The following COL4A2 variants were observed in gnomAD, a reference collection of about 807,000 sequenced individuals.
The protein encoded by COL4A2 is collagen type IV alpha 2 chain.
COL4A2 carries 99 observed loss-of-function variants against 200.2 expected under a neutral mutation model. The ratio of observed to expected loss-of-function variants is 0.49; its 90% CI spans 0.42 to 0.58. The LOEUF (loss-of-function observed/expected upper bound fraction) is 0.58, where lower values mean the gene tolerates loss of function less well. Among genes scored for constraint, COL4A2 ranks in the 20% least tolerant of loss-of-function variants. The pLI is 0.00. For synonymous variants in COL4A2, 897 were observed against 900.6 expected (o/e 1.00, Z 0.07); for missense variants, 1,950 against 2,314.1 (o/e 0.84, Z 3.23).
chr13:110,438,635 A>G lies in COL4A2; in HGVS notation c.879A>G (p.Gly293=). ...EPGIRGISLK[G]EEGIMGFPGL... is the part of the protein sequence containing the mutation. ...TCTCCTAGGGCATTTCCTTGAAGGG[A>G]GAAGAAGGAATCATGGGCTTTCCTG... The change falls in exon 15 of 48, where the codon GGA becomes GGG. Residue 293 remains glycine, a synonymous_variant. Coordinates refer to ENST00000360467, the MANE Select transcript of COL4A2 (RefSeq NM_001846.4). The G allele has an allele frequency of 6.2e-7, 1 of 1,614,142 alleles. No individual in the cohort carries two copies. Among genetic ancestry groups the G allele is most frequent in the South Asian group, 1.1e-5 (1 of 91,082 alleles).
At chr13:110,495,574 A>G (rs1883429520) in intron 40 of COL4A2, 107 bp downstream of exon 40, 6 of 1,441,924 alleles carry the variant, frequency 4.2e-6, no homozygotes, top group Non-Finnish European at 5.6e-6. Flanking sequence ...GCAGAAGTGC[A>G]GGAAAGAGCT....
chr13:110,488,831 C>A (rs545935078), intron 34 of COL4A2, among the ~76,000 whole-genome samples: 3 of 152,200 alleles, frequency 2.0e-5, no homozygotes, highest in Non-Finnish European at 4.4e-5. Context: ...GAGTCACCGC[C>A]GCCGCTGACA....
rs112957609 is a variant in COL4A2 at position 110,340,693 on chromosome 13, A to G, written c.100-16779A>G. ...CCTGTAGCTCATGAAGACATTACGA[A>G]GCACAAAGAACTGCACAGGGACAGA... On this transcript the variant is annotated intron_variant, in intron 3 of 47. Coordinates refer to ENST00000360467, the MANE Select transcript of COL4A2 (RefSeq NM_001846.4). 2.7e-3 allele frequency among the ~76,000 whole-genome samples: 417 copies of G among 152,296 alleles called. 1 individual carries two copies. The highest frequency in any genetic ancestry group is 9.5e-3 in the African/African-American group (396 of 41,560).
chr13:110,346,211 C>T (rs979833362), intron 3 of COL4A2, among the ~76,000 whole-genome samples: 6 of 152,108 alleles, frequency 3.9e-5, no homozygotes, highest in African/African-American at 7.2e-5. Context: ...GCTTTTGGGG[C>T]GTTGTTTCCT....
At chr13:110,436,873 T>A (rs1471672348) in intron 13 of COL4A2, among the ~76,000 whole-genome samples, 1 of 150,720 alleles carries the variant, frequency 6.6e-6, no homozygotes, top group Non-Finnish European at 1.5e-5. Flanking sequence ...CCGCGTCCAC[T>A]CTCTCTACGT....
At chr13:110,396,896 T>A (rs888741017) in intron 4 of COL4A2, among the ~76,000 whole-genome samples, 7 of 152,236 alleles carry the variant, frequency 4.6e-5, no homozygotes, top group Non-Finnish European at 8.8e-5. Flanking sequence ...TAGAGAGATT[T>A]CAGAGGTCTA....
chr13:110,491,678 AG>A (rs1360693911), intron 37 of COL4A2, among the ~76,000 whole-genome samples: 1 of 152,192 alleles, frequency 6.6e-6, no homozygotes, highest in Non-Finnish European at 1.5e-5. Context: ...CCTAGGTTAG[AG>A]AAGGAGAGCG....
intron 4 of COL4A2, among the ~76,000 whole-genome samples, chr13:110,363,530 C>G (rs872588): frequency 0.047 from 7,171 of 151,948 alleles, 239 homozygotes; most frequent in Non-Finnish European, 0.071. Flanking sequence ...AGGCAGATAA[C>G]GAGAAGGCAA....
Position 110,480,519 on chromosome 13 carries a change from G to C in COL4A2, c.2758+129G>C, listed in dbSNP as rs549141128. ...GGCCTCACACTTCTGCAGATTGGAG[G>C]CCTTGGGACTCTCCTGACCTAGGAG... is the stretch of plus-strand genomic sequence containing the variant. On this transcript the variant is annotated intron_variant, in intron 31 of 47. Coordinates refer to ENST00000360467, the MANE Select transcript of COL4A2 (RefSeq NM_001846.4). 4.1e-6 allele frequency: 4 copies of C among 967,738 alleles called. No individual in the cohort carries two copies. The South Asian group carries it at 5.6e-5, about 14-fold the overall frequency. The allele number at this position is 967,738 out of a possible 1,614,324, so 59.9% of individuals were successfully genotyped here. A position where few individuals can be genotyped will look rare whatever the true frequency, so the allele number is the denominator to read the frequency against.
chr13:110,344,472 T>A (rs994488225), intron 3 of COL4A2, among the ~76,000 whole-genome samples: 16 of 152,188 alleles, frequency 1.1e-4, no homozygotes, highest in African/African-American at 3.6e-4. Context: ...TACTTGCTGA[T>A]AGGTAATTGG....
rs923682280 is a variant in COL4A2, at chr13:110,360,913, G to A, written c.180+3361G>A. Among the ~76,000 whole-genome samples the A allele has an allele frequency of 1.6e-4, 24 of 152,258 alleles. 2 individuals are homozygous for A. The highest frequency in any genetic ancestry group is 3.4e-3 in the Middle Eastern group (1 of 294). On this transcript the variant is annotated intron_variant, in intron 4 of 47. Transcript: ENST00000360467. The stretch of plus-strand genomic sequence containing the variant: ...ATGCTTGACACTGTCATTTCACCTG[G>A]GCCGAGGCCCGTGCTGCCAAGGGAC...
Position 110,473,135 on chromosome 13 carries a change from C to T in COL4A2, c.2410C>T (p.Pro804Ser). The T allele has an allele frequency of 1.9e-6, 3 of 1,557,256 alleles. No individual in the cohort carries two copies. Among genetic ancestry groups the T allele is most frequent in the Non-Finnish European group, 2.6e-6 (3 of 1,150,760 alleles). The change falls in exon 29 of 48, where the codon CCC becomes TCC. Residue 804 changes from proline to serine, a missense_variant. By Grantham distance (74) the Pro-to-Ser change is moderately conservative. Around this residue, in one of 2 missense-constraint regions of COL4A2, gnomAD observed 1,385 missense variants for 1,720.5 expected, o/e 0.80. Transcript: ENST00000360467. ...GLKGLPGDRG[P>S]PGFRGSQGMP... ...TAAAGGCCTTCCCGGAGACAGAGGC[C>T]CCCCTGGATTCAGAGGTGAGTGCCC...
chr13:110,354,607 G>T (rs894994592), intron 3 of COL4A2, among the ~76,000 whole-genome samples: 1 of 150,242 alleles, frequency 6.7e-6, no homozygotes, highest in Non-Finnish European at 1.5e-5. Flanking sequence ...GAAGGGTTTG[G>T]GACTTTCCAC....
intron 47 of COL4A2, among the ~76,000 whole-genome samples, chr13:110,510,172 CTGAGGCTAGCG>C (rs1884038233): frequency 6.6e-6 from 1 of 152,252 alleles, no homozygotes; most frequent in Admixed American, 6.5e-5. Context: ...GAGAGCAGTG[CTGAGGCTAGCG>C]CCTGGCTCAC....
chr13:110,444,227 CGTG>C (rs1447276149), intron 16 of COL4A2, among the ~76,000 whole-genome samples: 1 of 152,168 alleles, frequency 6.6e-6, no homozygotes, highest in Non-Finnish European at 1.5e-5. Context: ...GATGGCAACA[CGTG>C]GTGTCTGGGG....
rs771755580 is a variant in COL4A2, at chr13:110,495,414, C to T, written c.3707C>T (p.Thr1236Ile). The T allele has an allele frequency of 6.2e-7, 1 of 1,613,946 alleles. No homozygotes were observed. The highest frequency in any genetic ancestry group is 1.3e-5 in the African/African-American group (1 of 74,912). Residue 1236 changes from threonine (T) to isoleucine (I), a missense_variant, in exon 40 of 48, where the codon ACC (threonine) becomes ATC (isoleucine). By Grantham distance (89) the Thr-to-Ile change is moderately conservative. This residue lies in a region of COL4A2 where 1,385 missense variants were observed against 1,720.5 expected (regional missense o/e 0.80). Coordinates refer to ENST00000360467, the MANE Select transcript of COL4A2 (RefSeq NM_001846.4). ...AGAGGTGACCCAGGAGAGGCCAACACCCTTCCAGGCCCTGTGGGAGTCCCA... is the reference window on the plus strand; with the variant it reads ...AGAGGTGACCCAGGAGAGGCCAACATCCTTCCAGGCCCTGTGGGAGTCCCA... The part of the protein sequence containing the change: ...GERGDPGEAN[T>I]LPGPVGVPGQ...
chr13:110,313,808 A>G (rs9588136), intron 3 of COL4A2, among the ~76,000 whole-genome samples: 309 of 642 alleles, frequency 0.48, 89 homozygotes, highest in Admixed American at 0.5. Flanking sequence ...CTCCCACCCC[A>G]GTGCCCCGTG....
At chr13:110,348,024 ACGTCTGT>A (rs928156970) in intron 3 of COL4A2, among the ~76,000 whole-genome samples, 1 of 152,194 alleles carries the variant, frequency 6.6e-6, no homozygotes, top group African/African-American at 2.4e-5. Context: ...GACAGGAAGG[ACGTCTGT>A]CTTCCTAAAG....
chr13:110,340,449 C>T (rs899114973), intron 3 of COL4A2, among the ~76,000 whole-genome samples: 12 of 152,174 alleles, frequency 7.9e-5, no homozygotes, highest in Admixed American at 7.2e-4. Context: ...TCCACCTTTC[C>T]AAAGACTTCA....
Sources: allele counts gnomAD v4.1 joint callset (sites outside exome capture counted in the v4.1 genomes callset), GRCh38; gene constraint gnomAD v4.1.1; regional missense constraint gnomAD v4.1.1; transcripts MANE v1.5; gene names NCBI Gene and HGNC (gene_info 2026-07-23, HGNC 2026-07-21).